C14orf39: variants seen among roughly 807,000 people sequenced by gnomAD.
C14orf39 encodes the protein chromosome 14 open reading frame 39, also known as protein SIX6OS1.
C14orf39 carries 66 observed loss-of-function variants against 85.6 expected under a neutral mutation model. The observed-to-expected ratio is 0.77, with a 90% CI of 0.63 to 0.95. The LOEUF is 0.95. Among genes scored for constraint, C14orf39 ranks in the 40% least tolerant of loss-of-function variants. C14orf39 has a pLI of 0.00. For synonymous variants in C14orf39, 242 were observed against 214.0 expected (o/e 1.13, Z -1.14); for missense variants, 735 against 663.9 (o/e 1.11, Z -1.18).
rs562558952 is a variant in C14orf39, at chr14:60,449,525, T to C, written c.1503+5476A>G. Reference sequence around the variant, plus strand: ...CATGCCCTTTATTACTCTAACCTTATAGGATGTTTGAATATTTAGAAAGTA... The same window carrying C: ...CATGCCCTTTATTACTCTAACCTTACAGGATGTTTGAATATTTAGAAAGTA... On this transcript the variant is annotated intron_variant, in intron 16 of 17. Coordinates refer to ENST00000321731, the MANE Select transcript of C14orf39 (RefSeq NM_174978.3). Among the ~76,000 whole-genome samples the C allele has an allele frequency of 1.2e-4, 18 of 152,292 alleles. No homozygotes were observed. The East Asian group carries it at 2.7e-3, about 23-fold the overall frequency.
chr14:60,506,262 T>C (rs1189321488), intron 1 of C14orf39, among the ~76,000 whole-genome samples: 1 of 151,970 alleles, frequency 6.6e-6, no homozygotes, highest in Non-Finnish European at 1.5e-5. Flanking sequence ...CCCGGTCAAA[T>C]GCAAAAGAAA....
chr14:60,473,143 C>A (rs1892185827), intron 5 of C14orf39, among the ~76,000 whole-genome samples: 1 of 152,190 alleles, frequency 6.6e-6, no homozygotes, highest in African/African-American at 2.4e-5. Flanking sequence ...ATTTTCATTT[C>A]TCCGATGGCC....
At chr14:60,477,007 GCTTCAA>G (rs1215181794) in intron 5 of C14orf39, among the ~76,000 whole-genome samples, 1 of 152,062 alleles carries the variant, frequency 6.6e-6, no homozygotes, top group Admixed American at 6.5e-5. Context: ...TTCATCAAAG[GCTTCAA>G]CTTCCTATAT....
At chr14:60,483,967 T>C (rs576360395) in intron 3 of C14orf39, 150 bp from the exon 4 acceptor site, 11 of 557,080 alleles carry the variant, frequency 2.0e-5, no homozygotes, top group Middle Eastern at 4.6e-4. Flanking sequence ...TGGGACCGTA[T>C]ACTAAAATGC....
rs1225281464 is a variant in C14orf39 at position 60,478,395 on chromosome 14, G to GA, written c.234-7dup. 4.6e-6 allele frequency: 7 copies of GA among 1,514,636 alleles called. No individual in the cohort carries two copies. The South Asian group carries it at 5.1e-5, about 11-fold the overall frequency. The allele number at this position is 1,514,636 out of a possible 1,614,324, so 93.8% of individuals were successfully genotyped here. ...CATCACATGTTGGCTTCCAGCTATA[G>GA]AAAAAAATATATTTGTAATTAGCAA... On this transcript the variant is annotated splice_polypyrimidine_tract_variant and splice_region_variant and intron_variant, in intron 4 of 17. Coordinates refer to ENST00000321731, the MANE Select transcript of C14orf39 (RefSeq NM_174978.3).
At chr14:60,508,762 T>C (rs1893242417) in intron 1 of C14orf39, among the ~76,000 whole-genome samples, 1 of 152,184 alleles carries the variant, frequency 6.6e-6, no homozygotes, top group Admixed American at 6.5e-5. Context: ...CTCGGAGCAT[T>C]TCAGTTTGGC....
At chr14:60,437,140 T>G in intron 17 of C14orf39, 93 bp from the exon 18 acceptor site, 1 of 794,016 alleles carries the variant, frequency 1.3e-6, no homozygotes. Flanking sequence ...ACAATAAATA[T>G]GGTAACACTG....
rs1406759691 is a variant in C14orf39, at chr14:60,483,718, CTA to C, written c.204_205del (p.His68GlnfsTer2). ...TCTACAGTTGTCTTTAATCTCCTCA[CTA>C]TGTTTACAGTAATGATCAATTTCCT... On this transcript the variant is annotated frameshift_variant, in exon 4 of 18. Coordinates refer to ENST00000321731, the MANE Select transcript of C14orf39 (RefSeq NM_174978.3). LOFTEE classifies it high-confidence loss of function. 1.3e-6 allele frequency: 2 copies of C among 1,597,366 alleles called. No individual in the cohort carries two copies. Among genetic ancestry groups the C allele is most frequent in the Non-Finnish European group, 1.7e-6 (2 of 1,169,912 alleles).
chr14:60,509,435 C>G (rs763048653), intron 1 of C14orf39: 2 of 1,599,760 alleles, frequency 1.3e-6, no homozygotes, highest in East Asian at 4.5e-5. Context: ...CAGCCCCCAG[C>G]AAGTGGCCGG....
intron 16 of C14orf39, among the ~76,000 whole-genome samples, chr14:60,444,565 T>C (rs945267051): frequency 1.3e-5 from 2 of 152,164 alleles, no homozygotes; most frequent in East Asian, 1.9e-4. Context: ...AGACCAAATA[T>C]ACGTTTGATT....
intron 5 of C14orf39, among the ~76,000 whole-genome samples, chr14:60,477,687 C>T (rs1268881225): frequency 6.6e-6 from 1 of 152,174 alleles, no homozygotes; most frequent in Admixed American, 6.5e-5. Flanking sequence ...CTACAGGTAA[C>T]TATTCCCCGA....
rs1473259610 is a variant in C14orf39, at chr14:60,436,871, T to C, written c.1738A>G (p.Asn580Asp). 1.9e-6 allele frequency: 3 copies of C among 1,611,216 alleles called. No homozygotes were observed. Among genetic ancestry groups the C allele is most frequent in the Non-Finnish European group, 2.5e-6 (3 of 1,178,044 alleles). Residue 580 changes from asparagine (N) to aspartate (D), a missense_variant, in exon 18 of 18, where the codon AAT (asparagine) becomes GAT (aspartate). Transcript: ENST00000321731. Reference sequence around the variant, plus strand: ...CAAAAAAAAGTAAACTGTGTTGTATTTTGTGAGGAAGATGAAAAACCTTTT... The same window carrying C: ...CAAAAAAAAGTAAACTGTGTTGTATCTTGTGAGGAAGATGAAAAACCTTTT... ...SLKGFSSSSQ[N>D]TTQFTFF
intron 1 of C14orf39, chr14:60,510,941 T>C: frequency 1.2e-6 from 1 of 845,716 alleles, no homozygotes; most frequent in Non-Finnish European, 1.8e-6. Context: ...CTCTGTCGCC[T>C]TGCCGAGTAA....
intron 16 of C14orf39, 93 bp downstream of exon 16, chr14:60,454,908 C>T (rs1891197870): frequency 1.0e-6 from 1 of 964,244 alleles, no homozygotes; most frequent in Non-Finnish European, 1.5e-6. Flanking sequence ...TGTTGATAAT[C>T]TGCCCCAAGA....
rs115337631 is a variant in C14orf39, at chr14:60,499,790, A to G, written c.-143-360T>C. 3.6e-3 allele frequency among the ~76,000 whole-genome samples: 554 copies of G among 152,348 alleles called. 4 individuals carry two copies. Among genetic ancestry groups the G allele is most frequent in the African/African-American group, 0.012 (511 of 41,586 alleles). On this transcript the variant is annotated intron_variant, in intron 1 of 5. Coordinates refer to the C14orf39 transcript ENST00000556799. The stretch of plus-strand genomic sequence containing the variant: ...GGCAATACACGACAAGAAAAAATAT[A>G]TATCCTTAATATTTGAAGTGACCTT...
Position 60,471,851 on chromosome 14 carries a change from T to C in C14orf39, c.324-112A>G, listed in dbSNP as rs536355854. On this transcript the variant is annotated intron_variant, in intron 5 of 17. Coordinates refer to ENST00000321731, the MANE Select transcript of C14orf39 (RefSeq NM_174978.3). ...AAAGGCAAATCAAATGTCTTCTTAT[T>C]CTTGCTTCCCTCAATATTGTCTGCC... is the stretch of plus-strand genomic sequence containing the variant. 4.0e-5 allele frequency: 25 copies of C among 622,574 alleles called. No individual in the cohort carries two copies. In the East Asian group the frequency reaches 6.5e-4, roughly 16 times the overall value. 38.6% of individuals were successfully genotyped at this position (622,574 alleles called of 1,614,324 possible). A position where few individuals can be genotyped will look rare whatever the true frequency, so the allele number is the denominator to read the frequency against.
chr14:60,480,602 A>G (rs1892593629), intron 4 of C14orf39, among the ~76,000 whole-genome samples: 1 of 152,188 alleles, frequency 6.6e-6, no homozygotes, highest in Admixed American at 6.5e-5. Flanking sequence ...CCCACTTTTG[A>G]GTATTCGTCC....
At chr14:60,454,797 T>C (rs756901082) in intron 16 of C14orf39, among the ~76,000 whole-genome samples, 2 of 151,986 alleles carry the variant, frequency 1.3e-5, no homozygotes, top group South Asian at 4.1e-4. Context: ...AGATCCGTTT[T>C]TAATGAACAG....
chr14:60,504,759 G>A (rs1893183433), intron 1 of C14orf39, among the ~76,000 whole-genome samples: 1 of 152,168 alleles, frequency 6.6e-6, no homozygotes, highest in South Asian at 2.1e-4. Flanking sequence ...ATGAATTTAA[G>A]ACCACAGTTT....
Sources: gnomAD v4.1 joint callset for allele counts (sites outside exome capture counted in the v4.1 genomes callset) on GRCh38, gnomAD v4.1.1 for gene constraint, MANE v1.5 for transcripts, NCBI Gene and HGNC (gene_info 2026-07-23, HGNC 2026-07-21) for gene names.